ASIC2: variants seen among roughly 807,000 people sequenced by gnomAD.
ASIC2 encodes acid-sensing ion channel 2.
ASIC2 carries 25 observed loss-of-function variants against 57.3 expected under a neutral mutation model. The ratio of observed to expected loss-of-function variants is 0.44; its 90% confidence interval spans 0.32 to 0.61. The LOEUF (loss-of-function observed/expected upper bound fraction) is 0.61. Ranked by LOEUF, ASIC2 falls within the 20% of genes least tolerant of loss-of-function variation. ASIC2 has a pLI of 0.06. For missense variants in ASIC2, 641 were observed against 738.1 expected, an observed-to-expected ratio of 0.87 and a Z score of 1.52; for synonymous variants, 319 against 307.5, an observed-to-expected ratio of 1.04 and a Z score of -0.39.
intron 1 of ASIC2, among the ~76,000 whole-genome samples, chr17:33,781,450 G>A (rs973530369): frequency 6.6e-6 from 1 of 152,148 alleles, no homozygotes; most frequent in African/African-American, 2.4e-5. Flanking sequence ...GGAGTGGGTG[G>A]GATTGGGAGG....
At position 33,740,484 on chromosome 17, in the gene ASIC2, A is replaced by G. The variant is rs138256020; in HGVS notation, c.555+415494T>C. Among the ~76,000 whole-genome samples, 286 of 152,310 alleles carry G rather than the reference A, an allele frequency of 1.9e-3. 1 individual carries two copies. Among genetic ancestry groups the G allele is most frequent in the African/African-American group, 6.7e-3 (277 of 41,580 alleles). Reference sequence around the variant, plus strand: ...CTGTCAGATCTCGTGAGAGCTCACTATCATGAGAACAGCAGCATGGGGGTA... The same window carrying G: ...CTGTCAGATCTCGTGAGAGCTCACTGTCATGAGAACAGCAGCATGGGGGTA... On this transcript the variant is annotated intron_variant, in intron 1 of 9. Transcript: ENST00000359872.
At chr17:33,338,165 G>A (rs547037465) in intron 1 of ASIC2, among the ~76,000 whole-genome samples, 1 of 149,552 alleles carries the variant, frequency 6.7e-6, no homozygotes, top group Admixed American at 6.7e-5. Context: ...TTCTGTAATG[G>A]CAAGGAGATG....
chr17:33,970,155 C>T (rs952717223), intron 1 of ASIC2, among the ~76,000 whole-genome samples: 4 of 152,182 alleles, frequency 2.6e-5, no homozygotes, highest in African/African-American at 9.7e-5. Context: ...GGATGCTAAG[C>T]AGCGTCCCTG....
chr17:34,095,257 G>C (rs1910475775), intron 1 of ASIC2, among the ~76,000 whole-genome samples: 1 of 152,178 alleles, frequency 6.6e-6, no homozygotes, highest in Admixed American at 6.5e-5. Flanking sequence ...GGTGGGCACA[G>C]TGGATCAGCC....
intron 1 of ASIC2, among the ~76,000 whole-genome samples, chr17:33,401,544 C>T (rs961295501): frequency 1.1e-4 from 17 of 152,180 alleles, no homozygotes; most frequent in Admixed American, 1.1e-3. Context: ...TGGAATACAA[C>T]CTCAGCTCTA....
chr17:33,984,437 T>C (rs1345078776), intron 1 of ASIC2: 2 of 152,214 alleles, frequency 1.3e-5, no homozygotes, highest in Non-Finnish European at 2.9e-5. Context: ...TACCAAGCAA[T>C]CAAACACGCC....
chr17:33,751,572 T>C (rs375986779), intron 1 of ASIC2, among the ~76,000 whole-genome samples: 47 of 152,252 alleles, frequency 3.1e-4, no homozygotes, highest in African/African-American at 1.1e-3. Context: ...TCCAAATCCA[T>C]TGATTTTCCT....
chr17:33,909,157 T>C (rs1224951258), intron 1 of ASIC2, among the ~76,000 whole-genome samples: 2 of 152,160 alleles, frequency 1.3e-5, no homozygotes, highest in African/African-American at 2.4e-5. Context: ...GGCATCTCCA[T>C]ACCTCAGAAA....
chr17:33,677,671 G>A (rs973840627), intron 1 of ASIC2, among the ~76,000 whole-genome samples: 1 of 152,198 alleles, frequency 6.6e-6, no homozygotes, highest in African/African-American at 2.4e-5. Flanking sequence ...TGCAGATGGG[G>A]TGGAAGTGAC....
At chr17:33,328,810 C>T (rs1907185493) in intron 1 of ASIC2, among the ~76,000 whole-genome samples, 1 of 152,184 alleles carries the variant, frequency 6.6e-6, no homozygotes, top group Admixed American at 6.5e-5. Context: ...AATAGAAATT[C>T]AGCAAATCCC....
chr17:33,979,374 A>G (rs915467133), intron 1 of ASIC2, among the ~76,000 whole-genome samples: 1 of 152,162 alleles, frequency 6.6e-6, no homozygotes, highest in African/African-American at 2.4e-5. Flanking sequence ...TGAGGCCGTC[A>G]GAAACCCTGA....
intron 1 of ASIC2, among the ~76,000 whole-genome samples, chr17:33,866,577 C>T (rs1257006476): frequency 2.6e-5 from 4 of 152,106 alleles, no homozygotes. Context: ...AATGTTCATA[C>T]TTCCAGGTTT....
intron 3 of ASIC2, among the ~76,000 whole-genome samples, chr17:33,077,737 C>T (rs2092095182): frequency 6.6e-6 from 1 of 152,020 alleles, no homozygotes; most frequent in African/African-American, 2.4e-5. Context: ...GATGGCTGGG[C>T]AATAGTTGTT....
intron 1 of ASIC2, among the ~76,000 whole-genome samples, chr17:33,765,851 T>A (rs1194221985): frequency 6.6e-6 from 1 of 152,248 alleles, no homozygotes; most frequent in African/African-American, 2.4e-5. Flanking sequence ...TCCCTTCCCG[T>A]GGGCTCCGCT....
At chr17:33,340,105 A>G (rs558211849) in intron 1 of ASIC2, among the ~76,000 whole-genome samples, 4 of 152,366 alleles carry the variant, frequency 2.6e-5, no homozygotes, top group East Asian at 1.9e-4. Context: ...TACATAACCA[A>G]TTGCCACAAA....
In ASIC2 at chr17:33,292,253, G is replaced by A. The variant is rs915406827; in HGVS notation, c.-138C>T. 4 of 994,436 alleles carry A rather than the reference G, an allele frequency of 4.0e-6. No homozygotes were observed. In the African/African-American group the frequency reaches 7.0e-5, roughly 17 times the overall value. 61.6% of individuals were successfully genotyped at this position (994,436 alleles called of 1,614,324 possible). A position where few individuals can be genotyped will look rare whatever the true frequency, so the allele number is the denominator to read the frequency against. On this transcript the variant is annotated 5_prime_UTR_variant, in exon 1 of 10. Transcript: ENST00000225823. ...CCAGGGAAGCGTGCGCCCGAAAGGA[G>A]CTCCGGTGGCGCGGCATGCCCGCCC...
chr17:33,920,591 A>C (rs1915688271), intron 1 of ASIC2, among the ~76,000 whole-genome samples: 1 of 152,192 alleles, frequency 6.6e-6, no homozygotes, highest in Non-Finnish European at 1.5e-5. Context: ...AGGGTGAAAA[A>C]TGACCTATCG....
chr17:33,212,804 G>A (rs1907330850), intron 1 of ASIC2, among the ~76,000 whole-genome samples: 1 of 152,128 alleles, frequency 6.6e-6, no homozygotes, highest in Non-Finnish European at 1.5e-5. Flanking sequence ...TTGAACCAAT[G>A]CATTCTATAA....
intron 1 of ASIC2, among the ~76,000 whole-genome samples, chr17:33,443,200 A>G (rs1911884886): frequency 6.6e-6 from 1 of 152,224 alleles, no homozygotes; most frequent in Middle Eastern, 3.4e-3. Context: ...TGTACAGGAT[A>G]TTGGTCTGCA....
Sources: allele counts gnomAD v4.1 joint callset (sites outside exome capture counted in the v4.1 genomes callset), GRCh38; gene constraint gnomAD v4.1.1; transcripts MANE v1.5; gene names NCBI Gene and HGNC (gene_info 2026-07-23, HGNC 2026-07-21).